MRC2: variants seen among roughly 807,000 people sequenced by gnomAD.
MRC2 encodes mannose receptor C-type 2.
A neutral mutation model predicts 206.2 loss-of-function variants in MRC2; 84 were observed. That is an observed-to-expected ratio of 0.41 (90% CI 0.34 to 0.49). The LOEUF is 0.49. Among genes scored for constraint, MRC2 ranks in the 20% least tolerant of loss-of-function variants. The probability of loss-of-function intolerance (pLI) is 0.31; values close to 1 mark genes in which losing one functional copy is unlikely to be tolerated. For synonymous variants in MRC2, 798 were observed against 800.0 expected (o/e 1.00, Z 0.04); for missense variants, 1,676 against 2,001.5 (o/e 0.84, Z 3.10).
intron 1 of MRC2, among the ~76,000 whole-genome samples, chr17:62,663,893 T>TC (rs1453675336): frequency 2.6e-5 from 4 of 151,648 alleles, no homozygotes; most frequent in Non-Finnish European, 5.9e-5. Context: ...TGTAAATGCC[T>TC]CCACTCCTCC....
Position 62,664,202 on chromosome 17 carries a change from G to T in MRC2, c.119-346G>T, listed in dbSNP as rs560301836. ...TCTCGATCTCCTGACCTCGTGATCC[G>T]CCCGCCTCGGCCTCCCAAAGTGCTG... On this transcript the variant is annotated intron_variant, in intron 1 of 29. Transcript: ENST00000303375. This position sits in a 1 kb window ranked among gnomAD's most constrained non-coding sequence, Gnocchi z 4.7. 2.6e-5 allele frequency among the ~76,000 whole-genome samples: 4 copies of T among 151,820 alleles called. No individual in the cohort carries two copies. In the South Asian group the frequency reaches 8.3e-4, roughly 32 times the overall value.
chr17:62,692,805 C>T lies in MRC2; in HGVS notation c.*354C>T, dbSNP rs1323521828. ...GCCTGTTGATCCGCGCCCCAGGACC[C>T]CCTTCTTTGCAGAGCCCGAGGAGCC... On this transcript the variant is annotated 3_prime_UTR_variant, in exon 30 of 30. Coordinates refer to ENST00000303375, the MANE Select transcript of MRC2 (RefSeq NM_006039.5). The surrounding 1 kb of genome is among the most constrained non-coding windows in gnomAD (Gnocchi z 4.2). 1.5e-5 allele frequency: 4 copies of T among 261,424 alleles called. No homozygotes were observed. In the East Asian group the frequency reaches 3.5e-4, roughly 23 times the overall value. The allele number at this position is 261,424 out of a possible 1,614,324, so 16.2% of individuals were successfully genotyped here.
chr17:62,655,565 C>T (rs2088608678), intron 1 of MRC2, among the ~76,000 whole-genome samples: 2 of 150,072 alleles, frequency 1.3e-5, no homozygotes, highest in South Asian at 4.3e-4. Flanking sequence ...AAACAAACAA[C>T]AATTAGCTGG....
rs140949516 is a variant in MRC2 at position 62,648,268 on chromosome 17, A to T, written c.119-16280A>T. On this transcript the variant is annotated intron_variant, in intron 1 of 29. Transcript: ENST00000303375. ...AAAATACAAAAATAAGCTGGGTGTG[A>T]TGGCACACGCCTGTAATCCCAGCTA... 1.3e-5 allele frequency among the ~76,000 whole-genome samples: 2 copies of T among 152,174 alleles called. 1 individual carries two copies. The highest frequency in any genetic ancestry group is 3.9e-4 in the East Asian group (2 of 5,186).
In MRC2 at chr17:62,646,686, A is replaced by G. The variant is rs1310561646; in HGVS notation, c.119-17862A>G. Among the ~76,000 whole-genome samples, 5 of 152,326 alleles carry G rather than the reference A, an allele frequency of 3.3e-5. No individual in the cohort carries two copies. The East Asian group carries it at 9.6e-4, about 29-fold the overall frequency. On this transcript the variant is annotated intron_variant, in intron 1 of 29. Coordinates refer to ENST00000303375, the MANE Select transcript of MRC2 (RefSeq NM_006039.5). ...TCATCCATCTGGAGCCTCTCGCAGA[A>G]GGATCTTCTTTGGTTTACTTGTTTG...
chr17:62,669,225 GT>G (rs2088796298), intron 6 of MRC2, among the ~76,000 whole-genome samples: 1 of 151,892 alleles, frequency 6.6e-6, no homozygotes, highest in Non-Finnish European at 1.5e-5. Context: ...TTTTTTGTTT[GT>G]TTGTTTGAGA....
At chr17:62,678,668 T>G (rs1435766033) in intron 13 of MRC2, 22 bp downstream of exon 13, 1 of 1,601,078 alleles carries the variant, frequency 6.2e-7, no homozygotes. Context: ...GGCTGAGGCG[T>G]GTTAGGAGGG....
chr17:62,664,802 A>T lies in MRC2; in HGVS notation c.373A>T (p.Thr125Ser). ...EALNLRWHCRTLGDQLSLLLG... is the reference protein window; with the variant it reads ...EALNLRWHCRSLGDQLSLLLG... ...ACTGAATCTTCGCTGGCATTGTCGT[A>T]CACTGGGTGACCAGCTGTCCTTGCT... The change falls in exon 2 of 30, where the codon ACA (threonine) becomes TCA (serine). Residue 125 changes from threonine to serine, a missense_variant. Around this residue, in one of 3 missense-constraint regions of MRC2, gnomAD observed 318 missense variants for 346.7 expected, o/e 0.92. Coordinates refer to ENST00000303375, the MANE Select transcript of MRC2 (RefSeq NM_006039.5). The surrounding 1 kb of genome is among the most constrained non-coding windows in gnomAD (Gnocchi z 4.7). The T allele has an allele frequency of 6.2e-7, 1 of 1,613,916 alleles. No individual in the cohort carries two copies. The highest frequency in any genetic ancestry group is 1.1e-5 in the South Asian group (1 of 91,086).
chr17:62,688,502 A>G lies in MRC2; in HGVS notation c.3063A>G (p.Ala1021=), dbSNP rs775558416. 5 of 1,614,216 alleles carry G rather than the reference A, an allele frequency of 3.1e-6. No homozygotes were observed. The highest frequency in any genetic ancestry group is 4.2e-6 in the Non-Finnish European group (5 of 1,180,036). Residue 1021 remains alanine, a splice_region_variant and synonymous_variant, in exon 22 of 30, where the codon GCA becomes GCG. Coordinates refer to ENST00000303375, the MANE Select transcript of MRC2 (RefSeq NM_006039.5). The part of the protein sequence containing the change: ...LVTITNPLEQ[A]FITASLPNVT... ...ACAACTGTCTTCTGGGGACCATAGC[A>G]TTCATCACAGCCAGCCTGCCCAATG...
chr17:62,656,163 C>T (rs1392834227), intron 1 of MRC2, among the ~76,000 whole-genome samples: 2 of 152,204 alleles, frequency 1.3e-5, no homozygotes, highest in Non-Finnish European at 2.9e-5. Context: ...TCTCCTACCT[C>T]AGCCTCCTGA....
chr17:62,664,406 T>G lies in MRC2; in HGVS notation c.119-142T>G. The G allele has an allele frequency of 4.2e-6, 4 of 958,986 alleles. No homozygotes were observed. The highest frequency in any genetic ancestry group is 6.3e-6 in the Non-Finnish European group (4 of 639,186). 59.4% of individuals were successfully genotyped at this position (958,986 alleles called of 1,614,324 possible). Reference sequence around the variant, plus strand: ...CATTTCCACCTCAGAGGGTTGGTAGTGAGTACCGAGTGATTTAACGTATGA... The same window carrying G: ...CATTTCCACCTCAGAGGGTTGGTAGGGAGTACCGAGTGATTTAACGTATGA... On this transcript the variant is annotated intron_variant, in intron 1 of 29. Transcript: ENST00000303375. This position sits in a 1 kb window ranked among gnomAD's most constrained non-coding sequence, Gnocchi z 4.7.
chr17:62,681,793 C>T, intron 18 of MRC2, 44 bp from the exon 19 acceptor site: 1 of 1,505,268 alleles, frequency 6.6e-7, no homozygotes, highest in South Asian at 1.2e-5. Context: ...GGAGGCCCAG[C>T]TGGGGGCCGG....
At chr17:62,679,590 G>T in intron 13 of MRC2, 1 of 435,784 alleles carries the variant, frequency 2.3e-6, no homozygotes, top group Non-Finnish European at 4.1e-6. Flanking sequence ...TGGATGGCTT[G>T]GTCCAGCTCT....
intron 1 of MRC2, among the ~76,000 whole-genome samples, chr17:62,637,572 C>T (rs2088340266): frequency 6.6e-6 from 1 of 151,854 alleles, no homozygotes; most frequent in African/African-American, 2.4e-5. Flanking sequence ...GAAAGAATTC[C>T]CGGCCTTCTC....
At chr17:62,663,847 T>C (rs1294409769) in intron 1 of MRC2, among the ~76,000 whole-genome samples, 2 of 151,904 alleles carry the variant, frequency 1.3e-5, no homozygotes, top group Non-Finnish European at 2.9e-5. Flanking sequence ...CGCCATGTAA[T>C]AGAGATTGAG....
chr17:62,686,021 T>A (rs1485397617), intron 20 of MRC2, among the ~76,000 whole-genome samples: 1 of 152,116 alleles, frequency 6.6e-6, no homozygotes, highest in Non-Finnish European at 1.5e-5. Flanking sequence ...TGGAAGACAA[T>A]TTTTCCATGT....
In MRC2 at chr17:62,680,546, G is replaced by A; in HGVS notation, c.2473+93G>A. 6.5e-7 allele frequency: 1 copy of A among 1,534,356 alleles called. No homozygotes were observed. The highest frequency in any genetic ancestry group is 9.0e-7 in the Non-Finnish European group (1 of 1,115,356). ...CGAGAGGCCTGAATGAAATGGAGGG[G>A]ATGAGGAGTTCCGGTCGAGAGAAGG... On this transcript the variant is annotated intron_variant, in intron 16 of 29. Transcript: ENST00000303375. The surrounding 1 kb of genome is among the most constrained non-coding windows in gnomAD (Gnocchi z 4.8).
chr17:62,685,812 G>T (rs2089024605), intron 20 of MRC2, among the ~76,000 whole-genome samples: 1 of 152,192 alleles, frequency 6.6e-6, no homozygotes, highest in South Asian at 2.1e-4. Flanking sequence ...AAAGGGCAGG[G>T]ATTACAGGTG....
intron 1 of MRC2, among the ~76,000 whole-genome samples, chr17:62,630,913 C>T (rs2084210899): frequency 6.6e-6 from 1 of 152,114 alleles, no homozygotes; most frequent in Non-Finnish European, 1.5e-5. Flanking sequence ...GTTTTCCTTG[C>T]TCCAACCCTC....
Sources: allele counts gnomAD v4.1 joint callset (sites outside exome capture counted in the v4.1 genomes callset), GRCh38; gene constraint gnomAD v4.1.1; regional missense constraint gnomAD v4.1.1; non-coding constraint Gnocchi (gnomAD v3.1); transcripts MANE v1.5; gene names NCBI Gene and HGNC (gene_info 2026-07-23, HGNC 2026-07-21).